Variants in DNAJC5B observed in about 807,000 individuals in gnomAD.
DNAJC5B encodes dnaJ homolog subfamily C member 5B.
DNAJC5B carries 23 observed loss-of-function variants against 24.7 expected under a neutral mutation model. That is an observed-to-expected ratio of 0.93 (90% CI 0.67 to 1.32). DNAJC5B has a LOEUF of 1.32. Ranked by LOEUF, DNAJC5B falls within the 40% of genes most tolerant of loss-of-function variation. The pLI, the probability that DNAJC5B is intolerant of heterozygous loss-of-function variation, is 0.00. For missense variants in DNAJC5B, 238 were observed against 240.8 expected (o/e 0.99, Z 0.08); for synonymous variants, 101 against 90.1 (o/e 1.12, Z -0.68).
At chr8:66,073,481 G>T (rs1212650226) in intron 3 of DNAJC5B, among the ~76,000 whole-genome samples, 1 of 144,150 alleles carries the variant, frequency 6.9e-6, no homozygotes, top group Non-Finnish European at 1.5e-5. Context: ...ATGTGCATGT[G>T]TTCATGTGTG....
intron 5 of DNAJC5B, among the ~76,000 whole-genome samples, chr8:66,082,589 GTCAGA>G (rs1363875607): frequency 6.6e-6 from 1 of 152,050 alleles, no homozygotes; most frequent in African/African-American, 2.4e-5. Context: ...CATCACAGAG[GTCAGA>G]TCCTGGATGA....
chr8:66,021,023 T>C (rs571758643), upstream of DNAJC5B, among the ~76,000 whole-genome samples: 49 of 152,154 alleles, frequency 3.2e-4, no homozygotes, highest in Non-Finnish European at 6.8e-4. Context: ...GTCACCTTAC[T>C]TGTTAATCTA....
chr8:66,047,675 T>C (rs1806751279), intron 2 of DNAJC5B, among the ~76,000 whole-genome samples: 1 of 152,198 alleles, frequency 6.6e-6, no homozygotes. Flanking sequence ...TTTCATGCAA[T>C]ATGACAGCTC....
At chr8:66,094,418 A>G (rs1807907831) in intron 5 of DNAJC5B, among the ~76,000 whole-genome samples, 1 of 152,088 alleles carries the variant, frequency 6.6e-6, no homozygotes. Flanking sequence ...CCAATCAATT[A>G]TATATGTATT....
chr8:66,053,713 T>A (rs1429162341), intron 3 of DNAJC5B, among the ~76,000 whole-genome samples: 1 of 151,170 alleles, frequency 6.6e-6, no homozygotes, highest in Non-Finnish European at 1.5e-5. Flanking sequence ...CACCGCAACC[T>A]CCGCCTCCCA....
In DNAJC5B at chr8:66,076,880, C is replaced by A; in HGVS notation, c.333+7C>A. On this transcript the variant is annotated splice_region_variant and intron_variant, in intron 4 of 5. Transcript: ENST00000276570. The stretch of plus-strand genomic sequence containing the variant: ...GTCGAGCTGGTGGGCAAAGGTGAAA[C>A]TGAATTTCCTTTCTTCACAATCTCC... 1.9e-6 allele frequency: 3 copies of A among 1,613,886 alleles called. No individual in the cohort carries two copies. The highest frequency in any genetic ancestry group is 2.5e-6 in the Non-Finnish European group (3 of 1,179,868).
chr8:66,028,611 G>A (rs1806296895), intron 1 of DNAJC5B, among the ~76,000 whole-genome samples: 3 of 152,024 alleles, frequency 2.0e-5, no homozygotes, highest in Admixed American at 2.0e-4. Flanking sequence ...AGGATCTCAG[G>A]TCCCCTCTGA....
At chr8:66,066,491 G>A (rs147603591) in intron 3 of DNAJC5B, among the ~76,000 whole-genome samples, 6 of 152,240 alleles carry the variant, frequency 3.9e-5, no homozygotes, top group East Asian at 1.9e-4. Flanking sequence ...AGTGCCCATC[G>A]ACCAATGAGT....
At chr8:66,047,992 A>G (rs1447985080) in intron 2 of DNAJC5B, among the ~76,000 whole-genome samples, 1 of 152,200 alleles carries the variant, frequency 6.6e-6, no homozygotes, top group Non-Finnish European at 1.5e-5. Context: ...AGTTGCAGAG[A>G]AGAGCTTTAG....
intron 1 of DNAJC5B, among the ~76,000 whole-genome samples, chr8:66,024,421 TA>T (rs1806209759): frequency 1.1e-4 from 14 of 124,654 alleles, no homozygotes; most frequent in African/African-American, 4.8e-4. Flanking sequence ...TTTTTTTTTT[TA>T]ATGTTTTTTT....
At chr8:66,015,684 C>T in the DNAJC5B span, among the ~76,000 whole-genome samples, 2 of 152,074 alleles carry the variant, frequency 1.3e-5, no homozygotes, top group Non-Finnish European at 2.9e-5. Flanking sequence ...AGGTATTATC[C>T]TTGGTCTGAG....
At chr8:66,026,221 G>A (rs1806240528) in intron 1 of DNAJC5B, among the ~76,000 whole-genome samples, 1 of 148,518 alleles carries the variant, frequency 6.7e-6, no homozygotes, top group Non-Finnish European at 1.5e-5. Flanking sequence ...TTGGCTCTCT[G>A]TTTGTCTGTT....
chr8:66,044,850 C>T (rs563216342), intron 2 of DNAJC5B, among the ~76,000 whole-genome samples: 1 of 152,194 alleles, frequency 6.6e-6, no homozygotes, highest in Admixed American at 6.5e-5. Context: ...ATAATAAAGA[C>T]TTGAAATTTG....
intron 3 of DNAJC5B, among the ~76,000 whole-genome samples, chr8:66,052,827 G>A (rs1278907873): frequency 2.0e-5 from 3 of 152,198 alleles, no homozygotes; most frequent in Admixed American, 6.5e-5. Flanking sequence ...TGGCTAGTTG[G>A]AGGAAGAAAG....
At chr8:66,038,041 G>C (rs974520489) in intron 1 of DNAJC5B, among the ~76,000 whole-genome samples, 3 of 152,232 alleles carry the variant, frequency 2.0e-5, no homozygotes, top group African/African-American at 7.2e-5. Context: ...CTGGCCACGA[G>C]GGGGTTCCCT....
chr8:66,027,379 T>C (rs1806268668), intron 1 of DNAJC5B, among the ~76,000 whole-genome samples: 1 of 152,150 alleles, frequency 6.6e-6, no homozygotes, highest in South Asian at 2.1e-4. Flanking sequence ...CTGGGGAAAA[T>C]GTTACGAGCT....
intron 5 of DNAJC5B, among the ~76,000 whole-genome samples, chr8:66,089,730 C>T (rs1807805228): frequency 6.6e-6 from 1 of 152,004 alleles, no homozygotes; most frequent in Non-Finnish European, 1.5e-5. Context: ...TTTTTATGTC[C>T]CTTTAAACTA....
chr8:66,045,155 A>G (rs1806696963), intron 2 of DNAJC5B, among the ~76,000 whole-genome samples: 1 of 152,234 alleles, frequency 6.6e-6, no homozygotes, highest in Non-Finnish European at 1.5e-5. Flanking sequence ...GGCACAAAGC[A>G]GCTTTCTGGT....
chr8:66,072,034 C>T (rs1807361832), intron 3 of DNAJC5B, among the ~76,000 whole-genome samples: 1 of 82,930 alleles, frequency 1.2e-5, no homozygotes, highest in Non-Finnish European at 2.2e-5. Context: ...GAATATCACA[C>T]AGTGGGGCCT....
Sources: gnomAD v4.1 joint callset for allele counts (sites outside exome capture counted in the v4.1 genomes callset) on GRCh38, gnomAD v4.1.1 for gene constraint, MANE v1.5 for transcripts, NCBI Gene and HGNC (gene_info 2026-07-23, HGNC 2026-07-21) for gene names.